Variants in FBXO28 observed in about 807,000 individuals in gnomAD.
FBXO28 encodes the protein F-box protein 28.
A neutral mutation model predicts 38.1 loss-of-function variants in FBXO28; 8 were observed. The observed-to-expected ratio is 0.21, with a 90% CI of 0.12 to 0.38. The LOEUF is 0.38. FBXO28 is among the 10% of genes least tolerant of loss of function. The probability of loss-of-function intolerance (pLI) is 1.00; values close to 1 mark genes in which losing one functional copy is unlikely to be tolerated. For missense variants in FBXO28, 345 were observed against 460.6 expected, an observed-to-expected ratio of 0.75 and a Z score of 2.30; for synonymous variants, 168 against 173.8, an observed-to-expected ratio of 0.97 and a Z score of 0.26.
At chr1:224,132,015 G>C (rs1378754179) in intron 2 of FBXO28, among the ~76,000 whole-genome samples, 1 of 152,180 alleles carries the variant, frequency 6.6e-6, no homozygotes, top group East Asian at 1.9e-4. Flanking sequence ...CATGTTGGGG[G>C]ACTGAGGTGG....
At chr1:224,126,868 T>C (rs1656915318) in intron 1 of FBXO28, among the ~76,000 whole-genome samples, 1 of 152,158 alleles carries the variant, frequency 6.6e-6, no homozygotes. Flanking sequence ...AACATAGTTT[T>C]TATAGTCCCC....
intron 1 of FBXO28, among the ~76,000 whole-genome samples, chr1:224,114,978 G>T (rs986823766): frequency 1.3e-5 from 2 of 152,084 alleles, no homozygotes; most frequent in Non-Finnish European, 2.9e-5. Flanking sequence ...TAGCCCCAGC[G>T]CCCTAATTGA....
chr1:224,142,041 TA>T (rs1657367348), intron 3 of FBXO28, among the ~76,000 whole-genome samples: 2 of 52,910 alleles, frequency 3.8e-5, no homozygotes, highest in African/African-American at 8.9e-5. Flanking sequence ...ACAGGCACAT[TA>T]AATTTTTTTT....
At chr1:224,138,360 C>T (rs1344960788) in intron 3 of FBXO28, among the ~76,000 whole-genome samples, 1 of 151,892 alleles carries the variant, frequency 6.6e-6, no homozygotes, top group East Asian at 1.9e-4. Context: ...GACAGCTATG[C>T]AATTCTGAGA....
chr1:224,154,579 C>T (rs1005179039), intron 4 of FBXO28, among the ~76,000 whole-genome samples: 10 of 151,708 alleles, frequency 6.6e-5, no homozygotes, highest in South Asian at 2.1e-4. Context: ...GAGGCCAAGG[C>T]GGGCGGATCA....
At chr1:224,144,110 C>G (rs1055052153) in intron 3 of FBXO28, among the ~76,000 whole-genome samples, 1 of 148,674 alleles carries the variant, frequency 6.7e-6, no homozygotes, top group Admixed American at 6.8e-5. Context: ...GCTGAGGTTG[C>G]GCCACTGTAC....
intron 3 of FBXO28, among the ~76,000 whole-genome samples, chr1:224,148,327 T>A (rs1408132306): frequency 6.6e-6 from 1 of 152,148 alleles, no homozygotes; most frequent in Non-Finnish European, 1.5e-5. Context: ...GAAGAATAAG[T>A]ATCATGGAAA....
At chr1:224,145,952 G>C (rs548635440) in intron 3 of FBXO28, among the ~76,000 whole-genome samples, 20 of 152,138 alleles carry the variant, frequency 1.3e-4, no homozygotes, top group Admixed American at 2.6e-4. Context: ...TGTAATCCCA[G>C]CTACTCAGGA....
At chr1:224,155,740 C>G (rs1453200750) in intron 4 of FBXO28, among the ~76,000 whole-genome samples, 4 of 152,194 alleles carry the variant, frequency 2.6e-5, no homozygotes, top group Non-Finnish European at 5.9e-5. Flanking sequence ...GCCTACACAT[C>G]TCAGCATTAA....
At chr1:224,145,055 G>A (rs1404962620) in intron 3 of FBXO28, among the ~76,000 whole-genome samples, 2 of 151,922 alleles carry the variant, frequency 1.3e-5, no homozygotes, top group African/African-American at 4.8e-5. Context: ...GCTGAGTCGA[G>A]TGGATCGCTT....
chr1:224,161,863 G>A lies in FBXO28; in HGVS notation c.*4117G>A, dbSNP rs1222368980. 6.6e-6 allele frequency: 1 copy of A among 152,162 alleles called. No homozygotes were observed. The highest frequency in any genetic ancestry group is 1.5e-5 in the Non-Finnish European group (1 of 68,014). The allele number at this position is 152,162 out of a possible 1,614,324, so 9.4% of individuals were successfully genotyped here. Reference sequence around the variant, plus strand: ...GTCCATATTCAAACCTATTCCAAAAGGTTAGAAGTGTTTAAGATTCCTTTA... The same window carrying A: ...GTCCATATTCAAACCTATTCCAAAAAGTTAGAAGTGTTTAAGATTCCTTTA... On this transcript the variant is annotated 3_prime_UTR_variant, in exon 5 of 5. Transcript: ENST00000366862.
chr1:224,142,786 T>C (rs1262117293), intron 3 of FBXO28, among the ~76,000 whole-genome samples: 2 of 151,116 alleles, frequency 1.3e-5, no homozygotes, highest in African/African-American at 4.9e-5. Context: ...CTGTCTCTAC[T>C]AAAAGTACAA....
chr1:224,131,896 G>A (rs940487007), intron 2 of FBXO28, among the ~76,000 whole-genome samples: 10 of 152,118 alleles, frequency 6.6e-5, no homozygotes, highest in East Asian at 1.9e-4. Flanking sequence ...GAAAACCTGC[G>A]TAAATCATGT....
chr1:224,152,909 G>T (rs1231463498), intron 3 of FBXO28, among the ~76,000 whole-genome samples: 2 of 122,862 alleles, frequency 1.6e-5, no homozygotes, highest in African/African-American at 3.3e-5. Context: ...CTTGGGCAAC[G>T]AGTGAAACTC....
intron 4 of FBXO28, among the ~76,000 whole-genome samples, chr1:224,154,999 A>C (rs1657740531): frequency 6.6e-6 from 1 of 151,382 alleles, no homozygotes; most frequent in Non-Finnish European, 1.5e-5. Flanking sequence ...AAAATCATTA[A>C]GTTAAACCAT....
At chr1:224,129,341 A>G (rs7542474) in intron 1 of FBXO28, among the ~76,000 whole-genome samples, 1 of 151,756 alleles carries the variant, frequency 6.6e-6, no homozygotes, top group African/African-American at 2.4e-5. Flanking sequence ...ACTCCATCTC[A>G]AAAAGATATT....
intron 4 of FBXO28, among the ~76,000 whole-genome samples, chr1:224,153,647 G>A (rs113737900): frequency 0.023 from 3,427 of 152,254 alleles, 120 homozygotes; most frequent in Non-Finnish European, 0.026. Flanking sequence ...CCGGCCAGGC[G>A]CAGTGGGTCA....
chr1:224,123,563 T>C (rs1656833785), intron 1 of FBXO28, among the ~76,000 whole-genome samples: 1 of 152,088 alleles, frequency 6.6e-6, no homozygotes, highest in South Asian at 2.1e-4. Context: ...TGTATGTATA[T>C]TATCGTGGTG....
intron 3 of FBXO28, among the ~76,000 whole-genome samples, chr1:224,138,769 C>T (rs1263914781): frequency 6.6e-6 from 1 of 150,962 alleles, no homozygotes; most frequent in East Asian, 1.9e-4. Flanking sequence ...TTTTTAGAGA[C>T]GGGGTCTCAC....
Sources: gnomAD v4.1 joint callset for allele counts (sites outside exome capture counted in the v4.1 genomes callset) on GRCh38, gnomAD v4.1.1 for gene constraint, MANE v1.5 for transcripts, NCBI Gene and HGNC (gene_info 2026-07-23, HGNC 2026-07-21) for gene names.